Variants in NRG3 observed in about 807,000 individuals in gnomAD.
The protein encoded by NRG3 is pro-neuregulin-3, membrane-bound isoform.
A neutral mutation model predicts 66.9 loss-of-function variants in NRG3; 31 were observed. The ratio of observed to expected loss-of-function variants is 0.46; its 90% CI spans 0.35 to 0.63. The LOEUF (loss-of-function observed/expected upper bound fraction) is 0.63, where lower values mean the gene tolerates loss of function less well. Among genes scored for constraint, NRG3 ranks in the 20% least tolerant of loss-of-function variants. The probability of loss-of-function intolerance (pLI) is 0.00; values close to 1 mark genes in which losing one functional copy is unlikely to be tolerated. For synonymous variants in NRG3, 393 were observed against 359.4 expected (o/e 1.09, Z -1.06); for missense variants, 910 against 878.9 (o/e 1.04, Z -0.45).
At chr10:82,901,067 C>A (rs1449759262) in intron 4 of NRG3, among the ~76,000 whole-genome samples, 1 of 152,054 alleles carries the variant, frequency 6.6e-6, no homozygotes, top group Non-Finnish European at 1.5e-5. Flanking sequence ...TAATAAACAT[C>A]CCCAGAACTA....
intron 3 of NRG3, among the ~76,000 whole-genome samples, chr10:82,748,215 C>T (rs543522258): frequency 1.3e-5 from 2 of 151,730 alleles, no homozygotes; most frequent in East Asian, 1.9e-4. Context: ...AAATATGATT[C>T]AACCATATAT....
intron 4 of NRG3, among the ~76,000 whole-genome samples, chr10:82,881,468 A>G (rs1842292414): frequency 6.6e-6 from 1 of 152,226 alleles, no homozygotes; most frequent in Non-Finnish European, 1.5e-5. Flanking sequence ...GTATGAGAAT[A>G]TGGGGCCTTT....
intron 4 of NRG3, among the ~76,000 whole-genome samples, chr10:82,943,778 G>A (rs942514856): frequency 1.3e-5 from 2 of 152,018 alleles, no homozygotes; most frequent in Non-Finnish European, 2.9e-5. Context: ...CCATGTTCCA[G>A]TCAAGTTGAC....
chr10:82,433,763 G>T (rs2089966018), intron 2 of NRG3, among the ~76,000 whole-genome samples: 1 of 152,108 alleles, frequency 6.6e-6, no homozygotes, highest in Non-Finnish European at 1.5e-5. Context: ...GGTTGTAGAT[G>T]TGTGATGTTA....
chr10:82,769,828 A>G (rs2059649468), intron 3 of NRG3, among the ~76,000 whole-genome samples: 1 of 152,106 alleles, frequency 6.6e-6, no homozygotes, highest in Non-Finnish European at 1.5e-5. Context: ...TTTTGTGTAC[A>G]CGCTCAGACA....
intron 3 of NRG3, among the ~76,000 whole-genome samples, chr10:82,795,844 G>A (rs75226634): frequency 0.02 from 3,017 of 152,130 alleles, 105 homozygotes; most frequent in African/African-American, 0.068. Context: ...TAATTATGTG[G>A]CATTTAGCAT....
At chr10:82,984,786 A>T in intron 8 of NRG3, 1 of 1,551,914 alleles carries the variant, frequency 6.4e-7, no homozygotes, top group Non-Finnish European at 8.7e-7. Context: ...ATTCTAGGAT[A>T]GAGGTCAGGA....
chr10:82,616,682 A>T, intron 2 of NRG3, among the ~76,000 whole-genome samples: 1 of 152,148 alleles, frequency 6.6e-6, no homozygotes, highest in Non-Finnish European at 1.5e-5. Flanking sequence ...TGTATTTGTT[A>T]AAAACTGTAT....
At chr10:82,948,534 G>A (rs944002021) in intron 4 of NRG3, among the ~76,000 whole-genome samples, 1 of 152,024 alleles carries the variant, frequency 6.6e-6, no homozygotes, top group African/African-American at 2.4e-5. Flanking sequence ...GGGGAGAATT[G>A]ACATCTTAAT....
At chr10:82,551,856 G>A (rs1486643044) in intron 2 of NRG3, among the ~76,000 whole-genome samples, 1 of 151,834 alleles carries the variant, frequency 6.6e-6, no homozygotes, top group Non-Finnish European at 1.5e-5. Context: ...TGCATCCATA[G>A]ACACTAGAGT....
chr10:82,810,536 G>T (rs1022861513), intron 3 of NRG3, among the ~76,000 whole-genome samples: 1 of 152,122 alleles, frequency 6.6e-6, no homozygotes, highest in African/African-American at 2.4e-5. Context: ...GCCGAGGCAG[G>T]TGGATCACCT....
chr10:82,321,858 C>T (rs1363105794), intron 1 of NRG3, among the ~76,000 whole-genome samples: 1 of 152,164 alleles, frequency 6.6e-6, no homozygotes, highest in Non-Finnish European at 1.5e-5. Flanking sequence ...TTTCTTAAGA[C>T]TGACAGTTGT....
At chr10:81,919,844 G>A (rs986436555) in intron 1 of NRG3, among the ~76,000 whole-genome samples, 4 of 152,100 alleles carry the variant, frequency 2.6e-5, no homozygotes, top group African/African-American at 9.7e-5. Flanking sequence ...CAGAAACAGT[G>A]GCAATGAGGG....
At chr10:82,357,153 T>G (rs767328119) in intron 1 of NRG3, among the ~76,000 whole-genome samples, 1 of 152,216 alleles carries the variant, frequency 6.6e-6, no homozygotes, top group Non-Finnish European at 1.5e-5. Context: ...TGACAGTTCT[T>G]GGTATTTTGG....
At chr10:82,803,162 T>C (rs2061122538) in intron 3 of NRG3, among the ~76,000 whole-genome samples, 1 of 152,162 alleles carries the variant, frequency 6.6e-6, no homozygotes, top group African/African-American at 2.4e-5. Flanking sequence ...ATACTTCCTG[T>C]AGATGATCCT....
chr10:82,325,868 TATAA>T (rs897102415), intron 1 of NRG3, among the ~76,000 whole-genome samples: 1 of 152,292 alleles, frequency 6.6e-6, no homozygotes, highest in African/African-American at 2.4e-5. Context: ...CATATACATA[TATAA>T]ATAAACCTCA....
At chr10:82,400,013 G>C (rs543529046) in intron 2 of NRG3, among the ~76,000 whole-genome samples, 10 of 152,222 alleles carry the variant, frequency 6.6e-5, no homozygotes, top group Admixed American at 5.9e-4. Context: ...CTGCCCTTAA[G>C]GGAGATGAAT....
chr10:82,748,220 A>G (rs2058720597), intron 3 of NRG3, among the ~76,000 whole-genome samples: 1 of 151,824 alleles, frequency 6.6e-6, no homozygotes, highest in African/African-American at 2.4e-5. Flanking sequence ...TGATTCAACC[A>G]TATATTGATT....
chr10:82,511,842 TA>T (rs1309838241), intron 2 of NRG3, among the ~76,000 whole-genome samples: 1 of 152,040 alleles, frequency 6.6e-6, no homozygotes, highest in Admixed American at 6.6e-5. Context: ...GTGTCTACTT[TA>T]TCTCCCAGTT....
Sources: allele counts gnomAD v4.1 joint callset (sites outside exome capture counted in the v4.1 genomes callset), GRCh38; gene constraint gnomAD v4.1.1; transcripts MANE v1.5; gene names NCBI Gene and HGNC (gene_info 2026-07-23, HGNC 2026-07-21).